The following SLC39A11 variants were observed in gnomAD, a reference collection of about 807,000 sequenced individuals.
SLC39A11 encodes solute carrier family 39 member 11.
Under a neutral mutation model 36.1 loss-of-function variants are expected in SLC39A11, and 33 were observed. That is an observed-to-expected ratio of 0.91 (90% confidence interval 0.69 to 1.22). SLC39A11 has a LOEUF of 1.22. SLC39A11 is among the 50% of genes most tolerant of loss of function. The probability of loss-of-function intolerance (pLI) is 0.00; values close to 1 mark genes in which losing one functional copy is unlikely to be tolerated. For missense variants in SLC39A11, 432 were observed against 430.3 expected (o/e 1.00, Z -0.03); for synonymous variants, 166 against 170.3 (o/e 0.97, Z 0.20).
intron 5 of SLC39A11, among the ~76,000 whole-genome samples, chr17:72,933,394 T>G (rs986243411): frequency 1.3e-5 from 2 of 152,168 alleles, no homozygotes; most frequent in African/African-American, 4.8e-5. Flanking sequence ...CACAAAACAC[T>G]GATAAAGGAA....
intron 7 of SLC39A11, among the ~76,000 whole-genome samples, chr17:72,658,962 C>T (rs1408868392): frequency 6.6e-6 from 1 of 152,144 alleles, no homozygotes; most frequent in Non-Finnish European, 1.5e-5. Context: ...CCTATTCCCC[C>T]CAGACTGGTG....
chr17:72,856,766 C>T (rs1933261668), intron 5 of SLC39A11, among the ~76,000 whole-genome samples: 3 of 151,992 alleles, frequency 2.0e-5, no homozygotes, highest in South Asian at 4.2e-4. Context: ...CTGTAACACC[C>T]GCCTCCCAGG....
At chr17:73,013,877 T>C (rs577852808) in intron 4 of SLC39A11, among the ~76,000 whole-genome samples, 14 of 152,194 alleles carry the variant, frequency 9.2e-5, no homozygotes, top group African/African-American at 2.6e-4. Context: ...AAAGTAGGCA[T>C]TGTCACCAAT....
intron 7 of SLC39A11, among the ~76,000 whole-genome samples, chr17:72,721,709 C>T (rs1277295511): frequency 6.6e-6 from 1 of 152,094 alleles, no homozygotes; most frequent in African/African-American, 2.4e-5. Context: ...GTAGCTCATG[C>T]CTGTAATCGC....
At chr17:72,926,817 T>A (rs1426726495) in intron 5 of SLC39A11, among the ~76,000 whole-genome samples, 1 of 152,134 alleles carries the variant, frequency 6.6e-6, no homozygotes, top group Non-Finnish European at 1.5e-5. Flanking sequence ...CAGGCACTGG[T>A]AGGCCTTAGT....
intron 7 of SLC39A11, chr17:72,713,128 G>A (rs78554461): frequency 4.6e-4 from 70 of 152,640 alleles, no homozygotes; most frequent in East Asian, 4.0e-3. Flanking sequence ...GCAAGACATG[G>A]CATTGAAGCC....
At chr17:72,670,158 TATACACAC>T (rs1460541910) in intron 7 of SLC39A11, among the ~76,000 whole-genome samples, 9,826 of 125,254 alleles carry the variant, frequency 0.078, 388 homozygotes, top group East Asian at 0.086. Context: ...ACACATTTTA[TATACACAC>T]ACACACACAC....
At chr17:73,063,736 A>G (rs749377812) in intron 3 of SLC39A11, among the ~76,000 whole-genome samples, 11 of 152,258 alleles carry the variant, frequency 7.2e-5, no homozygotes, top group Non-Finnish European at 1.5e-4. Context: ...CCAATGTCAC[A>G]TAATAATATT....
intron 4 of SLC39A11, among the ~76,000 whole-genome samples, chr17:73,021,266 G>A (rs1448900533): frequency 1.3e-5 from 2 of 152,092 alleles, no homozygotes; most frequent in East Asian, 1.9e-4. Context: ...AGACAGACAC[G>A]GTCCCAGTCA....
intron 3 of SLC39A11, among the ~76,000 whole-genome samples, chr17:73,056,848 C>CAAGAGAACTTA (rs2059686255): frequency 6.6e-6 from 1 of 152,162 alleles, no homozygotes; most frequent in Non-Finnish European, 1.5e-5. Flanking sequence ...GAGAACTTTA[C>CAAGAGAACTTA]CAAGAAGACT....
At chr17:72,789,514 C>G (rs1598743716) in intron 6 of SLC39A11, among the ~76,000 whole-genome samples, 1 of 152,174 alleles carries the variant, frequency 6.6e-6, no homozygotes. Flanking sequence ...CAGGTAAGAA[C>G]CATCCCTGGG....
rs771572194 is a variant in SLC39A11, at chr17:73,062,475, A to AC, written c.147+22332_147+22333insG. Among the ~76,000 whole-genome samples, 3 of 87,046 alleles carry AC rather than the reference A, an allele frequency of 3.4e-5. 1 individual carries two copies. Among genetic ancestry groups the AC allele is most frequent in the Non-Finnish European group, 6.4e-5 (3 of 46,910 alleles). The allele number at this position is 87,046 out of a possible 152,430, so 57.1% of individuals were successfully genotyped here. A position where few individuals can be genotyped will look rare whatever the true frequency, so the allele number is the denominator to read the frequency against. ...AGAGCTTGTCTCAAAAAAAAAAAAAAAAACTTTAGGTGATACACTTCTGCT... is the reference window on the plus strand; with the variant it reads ...AGAGCTTGTCTCAAAAAAAAAAAAAACAAACTTTAGGTGATACACTTCTGCT... On this transcript the variant is annotated intron_variant, in intron 3 of 9. Transcript: ENST00000255559.
chr17:72,968,827 G>A (rs991839259), intron 4 of SLC39A11, among the ~76,000 whole-genome samples: 14 of 152,188 alleles, frequency 9.2e-5, no homozygotes, highest in African/African-American at 3.1e-4. Context: ...GGGCCTCCCA[G>A]AGTTAACTGA....
At chr17:73,091,597 GAA>G (rs140324066) in intron 1 of SLC39A11, among the ~76,000 whole-genome samples, 11,032 of 152,176 alleles carry the variant, frequency 0.072, 922 homozygotes, top group African/African-American at 0.2. Flanking sequence ...CTCAAGAGAA[GAA>G]AAAGTTTCTG....
intron 6 of SLC39A11, among the ~76,000 whole-genome samples, chr17:72,746,199 TC>T (rs1373511626): frequency 6.6e-6 from 1 of 152,134 alleles, no homozygotes; most frequent in Admixed American, 6.5e-5. Context: ...GCAGGTAGCC[TC>T]ATAACATCCC....
intron 3 of SLC39A11, among the ~76,000 whole-genome samples, chr17:73,082,440 GAC>G (rs2060573608): frequency 6.6e-6 from 1 of 152,030 alleles, no homozygotes; most frequent in Non-Finnish European, 1.5e-5. Flanking sequence ...ACTAGAATAA[GAC>G]AGAGTTCATC....
chr17:73,082,534 T>C (rs921897330), intron 3 of SLC39A11, among the ~76,000 whole-genome samples: 10 of 152,210 alleles, frequency 6.6e-5, no homozygotes, highest in Non-Finnish European at 1.5e-4. Context: ...AATGTGTTCA[T>C]ATAAATGAGA....
At chr17:72,775,000 A>G (rs954331655) in intron 6 of SLC39A11, among the ~76,000 whole-genome samples, 40 of 151,756 alleles carry the variant, frequency 2.6e-4, no homozygotes, top group African/African-American at 9.5e-4. Context: ...TACAAAGAAA[A>G]AAAAAAAATA....
Position 72,695,297 on chromosome 17 carries a change from G to A in SLC39A11, c.671+41353C>T, listed in dbSNP as rs138956338. Among the ~76,000 whole-genome samples, 62 of 152,180 alleles carry A rather than the reference G, an allele frequency of 4.1e-4. 1 individual carries two copies. In the East Asian group the frequency reaches 4.3e-3, roughly 10 times the overall value. ...ATTCCTGGCTTGAGTTTTTCTTCCC[G>A]GCACGTAGTATCCACAGCCTGACAT... On this transcript the variant is annotated intron_variant, in intron 7 of 9. Transcript: ENST00000255559.
Sources: allele counts gnomAD v4.1 joint callset (sites outside exome capture counted in the v4.1 genomes callset), GRCh38; gene constraint gnomAD v4.1.1; transcripts MANE v1.5; gene names NCBI Gene and HGNC (gene_info 2026-07-23, HGNC 2026-07-21).